The following CECR2 variants were observed in gnomAD, a reference collection of about 807,000 sequenced individuals.
CECR2 encodes the protein chromatin remodeling regulator CECR2.
In CECR2, 30 loss-of-function variants were observed where a neutral mutation model predicts 154.5. The observed-to-expected ratio is 0.19, with a 90% confidence interval of 0.15 to 0.26. The LOEUF (loss-of-function observed/expected upper bound fraction) is 0.26. Ranked by LOEUF, CECR2 falls within the 10% of genes least tolerant of loss-of-function variation. The pLI, the probability that CECR2 is intolerant of heterozygous loss-of-function variation, is 1.00. For synonymous variants in CECR2, 725 were observed against 683.7 expected, an observed-to-expected ratio of 1.06 and a Z score of -0.94; for missense variants, 1,743 against 1,829.3, an observed-to-expected ratio of 0.95 and a Z score of 0.86.
intron 1 of CECR2, among the ~76,000 whole-genome samples, chr22:17,475,068 G>T (rs2522293): frequency 0.076 from 11,535 of 152,230 alleles, 480 homozygotes; most frequent in Middle Eastern, 0.15. Flanking sequence ...AGAACAGGAC[G>T]TGTAGAAACC....
At chr22:17,378,185 G>A (rs12160715) in intron 1 of CECR2, among the ~76,000 whole-genome samples, 1,926 of 151,348 alleles carry the variant, frequency 0.013, 29 homozygotes, top group South Asian at 0.048. Context: ...GGGTTTCACC[G>A]TGTTAGCCAG....
chr22:17,480,611 G>A (rs988817436), intron 2 of CECR2, among the ~76,000 whole-genome samples: 1 of 152,122 alleles, frequency 6.6e-6, no homozygotes, highest in Non-Finnish European at 1.5e-5. Flanking sequence ...GGTTCCACAT[G>A]CGGTTACTGT....
At chr22:17,511,714 T>G in intron 7 of CECR2, 99 bp from the exon 8 acceptor site, 2 of 984,790 alleles carry the variant, frequency 2.0e-6, no homozygotes, top group Non-Finnish European at 3.1e-6. Flanking sequence ...GTGTGCCTCA[T>G]TGGCCACTTT....
At chr22:17,552,348 T>C (rs746392509) in intron 18 of CECR2, among the ~76,000 whole-genome samples, 4 of 152,220 alleles carry the variant, frequency 2.6e-5, no homozygotes, top group Non-Finnish European at 4.4e-5. Flanking sequence ...TATTGTGATA[T>C]GGAATGCATA....
Position 17,482,755 on chromosome 22 carries a change from G to A in CECR2, c.221+5073G>A, listed in dbSNP as rs1448813025. On this transcript the variant is annotated intron_variant, in intron 2 of 18. Transcript: ENST00000262608. ...TCATCATGTTGGCCATGATGGTTTT[G>A]AACTCCTTTTTTTTTTTTTTTTTTG... is the stretch of plus-strand genomic sequence containing the variant. Among the ~76,000 whole-genome samples, 26 of 129,016 alleles carry A rather than the reference G, an allele frequency of 2.0e-4. 1 individual carries two copies. The Admixed American group carries it at 2.2e-3, about 11-fold the overall frequency. The allele number at this position is 129,016 out of a possible 152,430, so 84.6% of individuals were successfully genotyped here.
At chr22:17,413,113 G>A (rs372792971) in intron 1 of CECR2, among the ~76,000 whole-genome samples, 2 of 152,134 alleles carry the variant, frequency 1.3e-5, no homozygotes, top group African/African-American at 4.8e-5. Flanking sequence ...TTGTCTTCCT[G>A]GAGTCAGTGG....
chr22:17,370,867 A>AT (rs2063052179), intron 1 of CECR2, among the ~76,000 whole-genome samples: 2 of 152,108 alleles, frequency 1.3e-5, no homozygotes, highest in Non-Finnish European at 2.9e-5. Context: ...GGCAGGTTGA[A>AT]TTGCCTTCTC....
intron 7 of CECR2, among the ~76,000 whole-genome samples, chr22:17,505,449 A>G (rs2055822580): frequency 6.6e-6 from 1 of 151,378 alleles, no homozygotes; most frequent in South Asian, 2.1e-4. Context: ...AGGGCAAGCT[A>G]TAGTCTCATA....
At chr22:17,529,559 G>C (rs981539146) in intron 9 of CECR2, among the ~76,000 whole-genome samples, 3 of 151,880 alleles carry the variant, frequency 2.0e-5, no homozygotes, top group Non-Finnish European at 4.4e-5. Flanking sequence ...AATTAGCCAG[G>C]CGTGGTGGCA....
chr22:17,557,195 C>G lies in CECR2; in HGVS notation c.*4355C>G, dbSNP rs1286261610. 7.3e-6 allele frequency: 1 copy of G among 136,830 alleles called. No individual in the cohort carries two copies. The highest frequency in any genetic ancestry group is 2.8e-5 in the African/African-American group (1 of 35,554). The allele number at this position is 136,830 out of a possible 1,614,324, so 8.5% of individuals were successfully genotyped here. ...CGAAATCTTGCTCTTGTCCCCCAGACTGGAGTGCAATGGCACGATCTCGGC... is the reference window on the plus strand; with the variant it reads ...CGAAATCTTGCTCTTGTCCCCCAGAGTGGAGTGCAATGGCACGATCTCGGC... On this transcript the variant is annotated 3_prime_UTR_variant, in exon 19 of 19. Transcript: ENST00000262608.
At chr22:17,523,628 C>T (rs368131911) in intron 8 of CECR2, among the ~76,000 whole-genome samples, 98 of 151,408 alleles carry the variant, frequency 6.5e-4, no homozygotes, top group African/African-American at 2.3e-3. Flanking sequence ...TGGTGGCAGG[C>T]GCCTGTAGTT....
chr22:17,500,701 A>C lies in CECR2; in HGVS notation c.616A>C (p.Lys206Gln). The part of the protein sequence containing the change: ...KTGKRRGRPP[K>Q]RKKLQEEILL... ...GGGAAAAAGAAGAGGAAGACCCCCA[A>C]AACGGAAGAAACTGCAGGAGGAGAT... Residue 206 changes from lysine (K) to glutamine (Q), a missense_variant, in exon 5 of 19, where the codon AAA becomes CAA. Transcript: ENST00000262608. The C allele has an allele frequency of 6.4e-7, 1 of 1,555,974 alleles. No homozygotes were observed. Among genetic ancestry groups the C allele is most frequent in the Non-Finnish European group, 8.7e-7 (1 of 1,149,816 alleles).
intron 16 of CECR2, among the ~76,000 whole-genome samples, chr22:17,546,205 T>C (rs2056611040): frequency 6.6e-6 from 1 of 152,116 alleles, no homozygotes; most frequent in African/African-American, 2.4e-5. Flanking sequence ...GAATCCTGTT[T>C]AGGCCGGCGC....
intron 7 of CECR2, among the ~76,000 whole-genome samples, chr22:17,506,624 T>G (rs868208566): frequency 1.3e-5 from 2 of 152,164 alleles, no homozygotes; most frequent in South Asian, 4.1e-4. Flanking sequence ...CCACGACACT[T>G]AATGTCATTT....
intron 7 of CECR2, among the ~76,000 whole-genome samples, chr22:17,507,561 C>T (rs1183089482): frequency 6.6e-6 from 1 of 151,992 alleles, no homozygotes; most frequent in Non-Finnish European, 1.5e-5. Context: ...TGCTTTTTTA[C>T]TGCTATATTC....
intron 2 of CECR2, among the ~76,000 whole-genome samples, chr22:17,477,954 TTTC>T (rs2055238232): frequency 6.6e-6 from 1 of 152,232 alleles, no homozygotes; most frequent in African/African-American, 2.4e-5. Flanking sequence ...TAGTGTAGAA[TTTC>T]TTCTTATATT....
chr22:17,504,435 T>TTTTATTTA (rs373150171), intron 6 of CECR2, among the ~76,000 whole-genome samples: 19,557 of 150,700 alleles, frequency 0.13, 1,486 homozygotes, highest in Non-Finnish European at 0.17. Context: ...TTTTTTTTAT[T>TTTTATTTA]TTTATTTATT....
At chr22:17,464,787 C>T (rs980399921) in intron 1 of CECR2, among the ~76,000 whole-genome samples, 4 of 152,232 alleles carry the variant, frequency 2.6e-5, no homozygotes, top group Admixed American at 1.3e-4. Flanking sequence ...ATCCATGAGC[C>T]ATTGTGCCCA....
intron 2 of CECR2, among the ~76,000 whole-genome samples, chr22:17,484,172 T>C (rs1241131118): frequency 1.3e-5 from 2 of 152,220 alleles, no homozygotes; most frequent in African/African-American, 4.8e-5. Context: ...ATATCCTTTA[T>C]GTTAAGCAAT....
Sources: gnomAD v4.1 joint callset for allele counts (sites outside exome capture counted in the v4.1 genomes callset) on GRCh38, gnomAD v4.1.1 for gene constraint, MANE v1.5 for transcripts, NCBI Gene and HGNC (gene_info 2026-07-23, HGNC 2026-07-21) for gene names.